The following C1orf21 variants were observed in gnomAD, a reference collection of about 807,000 sequenced individuals.
C1orf21 encodes chromosome 1 open reading frame 21, also known as uncharacterized protein C1orf21.
A neutral mutation model predicts 18.7 loss-of-function variants in C1orf21; 3 were observed. That is an observed-to-expected ratio of 0.16 (90% CI 0.07 to 0.42). The LOEUF is 0.42. Among genes scored for constraint, C1orf21 ranks in the 10% least tolerant of loss-of-function variants. C1orf21 has a pLI of 0.99. For missense variants in C1orf21, 104 were observed against 143.6 expected, an observed-to-expected ratio of 0.72 and a Z score of 1.41; for synonymous variants, 41 against 46.4, an observed-to-expected ratio of 0.88 and a Z score of 0.47.
intron 1 of C1orf21, among the ~76,000 whole-genome samples, chr1:184,413,669 T>G (rs1656396969): frequency 6.6e-6 from 1 of 152,170 alleles, no homozygotes; most frequent in African/African-American, 2.4e-5. Context: ...CTGTGGGGAC[T>G]CTTGGAGCGG....
intron 3 of C1orf21, among the ~76,000 whole-genome samples, chr1:184,534,169 C>T (rs1658511813): frequency 6.6e-6 from 1 of 152,200 alleles, no homozygotes; most frequent in Non-Finnish European, 1.5e-5. Flanking sequence ...AGTGCTTTTA[C>T]AGTCACTAGC....
At chr1:184,521,102 A>G (rs529561648) in intron 3 of C1orf21, among the ~76,000 whole-genome samples, 4 of 152,280 alleles carry the variant, frequency 2.6e-5, no homozygotes, top group Admixed American at 1.3e-4. Flanking sequence ...CATATTGCTC[A>G]GGCTGGTCTC....
intron 2 of C1orf21, among the ~76,000 whole-genome samples, chr1:184,481,861 G>A (rs1323645576): frequency 6.6e-6 from 1 of 152,134 alleles, no homozygotes; most frequent in Non-Finnish European, 1.5e-5. Flanking sequence ...AGAATCCAAT[G>A]TCAAGACAGT....
At chr1:184,570,881 A>G (rs1262905526) in intron 3 of C1orf21, among the ~76,000 whole-genome samples, 1 of 152,208 alleles carries the variant, frequency 6.6e-6, no homozygotes, top group African/African-American at 2.4e-5. Flanking sequence ...CCTAGGCTCT[A>G]TGGTATAGCC....
chr1:184,596,317 C>G (rs1026545749), intron 4 of C1orf21, among the ~76,000 whole-genome samples: 1 of 152,192 alleles, frequency 6.6e-6, no homozygotes, highest in Non-Finnish European at 1.5e-5. Context: ...CCCCTGCTGA[C>G]AAACTCTGCT....
intron 1 of C1orf21, among the ~76,000 whole-genome samples, chr1:184,432,616 A>G (rs1208429297): frequency 3.9e-5 from 6 of 152,034 alleles, no homozygotes; most frequent in African/African-American, 9.7e-5. Flanking sequence ...ATGTATACCT[A>G]TGTAACAAAC....
At chr1:184,457,027 G>A (rs1657209028) in intron 1 of C1orf21, among the ~76,000 whole-genome samples, 1 of 152,146 alleles carries the variant, frequency 6.6e-6, no homozygotes, top group Non-Finnish European at 1.5e-5. Flanking sequence ...TGGAGAAGGT[G>A]ATGGTGATCA....
intron 3 of C1orf21, among the ~76,000 whole-genome samples, chr1:184,555,367 T>G (rs1001526426): frequency 2.0e-5 from 3 of 152,088 alleles, no homozygotes; most frequent in African/African-American, 7.2e-5. Context: ...CCCTGTGAGC[T>G]GCTGCCAATG....
chr1:184,466,765 AGG>A (rs1657405837), intron 1 of C1orf21, among the ~76,000 whole-genome samples: 1 of 152,150 alleles, frequency 6.6e-6, no homozygotes, highest in South Asian at 2.1e-4. Context: ...GCAAGATTAG[AGG>A]TACTAGTAAA....
chr1:184,558,196 T>C (rs943143068), intron 3 of C1orf21, among the ~76,000 whole-genome samples: 1 of 152,194 alleles, frequency 6.6e-6, no homozygotes, highest in East Asian at 1.9e-4. Context: ...TCACCTTAGC[T>C]TTCTGTTTCC....
At chr1:184,595,261 C>G (rs1467530129) in intron 4 of C1orf21, among the ~76,000 whole-genome samples, 1 of 152,170 alleles carries the variant, frequency 6.6e-6, no homozygotes, top group Non-Finnish European at 1.5e-5. Flanking sequence ...AATTATTCAT[C>G]CTTTATGAAC....
At chr1:184,421,010 G>A (rs1387543769) in intron 1 of C1orf21, among the ~76,000 whole-genome samples, 1 of 152,178 alleles carries the variant, frequency 6.6e-6, no homozygotes, top group African/African-American at 2.4e-5. Flanking sequence ...AGAGGGAAAA[G>A]AGATGGGATT....
chr1:184,538,627 T>G (rs1483842240), intron 3 of C1orf21, among the ~76,000 whole-genome samples: 1 of 152,210 alleles, frequency 6.6e-6, no homozygotes, highest in Non-Finnish European at 1.5e-5. Flanking sequence ...TTTGAGGTCA[T>G]TTTGTACATA....
At chr1:184,464,561 G>C (rs1045259926) in intron 1 of C1orf21, among the ~76,000 whole-genome samples, 5 of 152,352 alleles carry the variant, frequency 3.3e-5, no homozygotes, top group Admixed American at 6.5e-5. Flanking sequence ...TAGCAAGAGA[G>C]ACAAATACAG....
intron 1 of C1orf21, among the ~76,000 whole-genome samples, chr1:184,460,323 A>G (rs1657282278): frequency 6.6e-6 from 1 of 152,204 alleles, no homozygotes; most frequent in Non-Finnish European, 1.5e-5. Context: ...TCATTCCTGT[A>G]TGAATGTTTA....
At chr1:184,501,920 C>T (rs1657981997) in intron 2 of C1orf21, among the ~76,000 whole-genome samples, 1 of 152,148 alleles carries the variant, frequency 6.6e-6, no homozygotes, top group African/African-American at 2.4e-5. Flanking sequence ...TATGAAGAGA[C>T]ACTTCACAAA....
chr1:184,547,569 A>G (rs951087438), intron 3 of C1orf21, among the ~76,000 whole-genome samples: 10 of 152,138 alleles, frequency 6.6e-5, no homozygotes, highest in African/African-American at 2.2e-4. Context: ...CTTCCCCACG[A>G]AGCAGTGTAC....
In C1orf21 at chr1:184,599,823, A is replaced by C. The variant is rs563404421; in HGVS notation, c.327+1362A>C. Among the ~76,000 whole-genome samples the C allele has an allele frequency of 3.0e-4, 45 of 152,342 alleles. No homozygotes were observed. In the South Asian group the frequency reaches 9.3e-3, roughly 32 times the overall value. ...CCAAAATCTGTAACTTTTTGAGTGCAGACATGATGCTCGAGCATTTTCAAT... is the reference window on the plus strand; with the variant it reads ...CCAAAATCTGTAACTTTTTGAGTGCCGACATGATGCTCGAGCATTTTCAAT... On this transcript the variant is annotated intron_variant, in intron 5 of 5. Transcript: ENST00000235307.
chr1:184,554,573 G>T (rs115605783), intron 3 of C1orf21, among the ~76,000 whole-genome samples: 2 of 152,134 alleles, frequency 1.3e-5, no homozygotes, highest in African/African-American at 2.4e-5. Context: ...TAAAATTGAC[G>T]TAGTTTAGTG....
Sources: allele counts gnomAD v4.1 joint callset (sites outside exome capture counted in the v4.1 genomes callset), GRCh38; gene constraint gnomAD v4.1.1; transcripts MANE v1.5; gene names NCBI Gene and HGNC (gene_info 2026-07-23, HGNC 2026-07-21).